TMEFF1: variants seen among roughly 807,000 people sequenced by gnomAD.
The protein encoded by TMEFF1 is transmembrane protein with EGF like and two follistatin like domains 1.
In TMEFF1, 20 loss-of-function variants were observed where a neutral mutation model predicts 47.5. The observed-to-expected ratio is 0.42, with a 90% CI of 0.30 to 0.61. TMEFF1 has a LOEUF of 0.61. Among genes scored for constraint, TMEFF1 ranks in the 20% least tolerant of loss-of-function variants. The probability of loss-of-function intolerance (pLI) is 0.19; values close to 1 mark genes in which losing one functional copy is unlikely to be tolerated. For missense variants in TMEFF1, 411 were observed against 471.1 expected (o/e 0.87, Z 1.18); for synonymous variants, 162 against 166.3 (o/e 0.97, Z 0.20).
Position 100,553,015 on chromosome 9 carries a change from C to T in TMEFF1, c.775+2855C>T, listed in dbSNP as rs186370511. On this transcript the variant is annotated intron_variant, in intron 7 of 9. Transcript: ENST00000374879. ...CTATTATTTAGAAAGGAGAGAAGGCCCAACTTGGGATGAAGCAGAAAGAGG... is the reference window on the plus strand; with the variant it reads ...CTATTATTTAGAAAGGAGAGAAGGCTCAACTTGGGATGAAGCAGAAAGAGG... 3.8e-3 allele frequency among the ~76,000 whole-genome samples: 570 copies of T among 151,868 alleles called. 2 individuals are homozygous for T. Among genetic ancestry groups the T allele is most frequent in the Middle Eastern group, 0.014 (4 of 294 alleles).
chr9:100,574,477 TG>T (rs1442864916), intron 9 of TMEFF1, among the ~76,000 whole-genome samples: 3 of 152,248 alleles, frequency 2.0e-5, no homozygotes, highest in African/African-American at 7.2e-5. Context: ...CTCCACCTCC[TG>T]GGCTTATCTC....
intron 8 of TMEFF1, among the ~76,000 whole-genome samples, chr9:100,562,317 C>T (rs1042660779): frequency 6.6e-6 from 1 of 151,956 alleles, no homozygotes; most frequent in Non-Finnish European, 1.5e-5. Context: ...TTTGTTTGGT[C>T]CACCTAGAAG....
At chr9:100,517,423 A>G (rs1198473850) in intron 5 of TMEFF1, among the ~76,000 whole-genome samples, 1 of 152,124 alleles carries the variant, frequency 6.6e-6, no homozygotes, top group Non-Finnish European at 1.5e-5. Flanking sequence ...TTACTTGTAC[A>G]TATTTTTGGT....
chr9:100,568,549 G>T (rs142089612), intron 8 of TMEFF1, among the ~76,000 whole-genome samples: 12 of 152,024 alleles, frequency 7.9e-5, no homozygotes, highest in African/African-American at 2.4e-4. Context: ...TATGGAGATT[G>T]TATTTTGTGT....
Position 100,478,621 on chromosome 9 carries a change from A to T in TMEFF1, c.196+4881A>T, listed in dbSNP as rs563443503. Among the ~76,000 whole-genome samples the T allele has an allele frequency of 5.9e-5, 9 of 152,336 alleles. No individual in the cohort carries two copies. The South Asian group carries it at 1.9e-3, about 32-fold the overall frequency. On this transcript the variant is annotated intron_variant, in intron 1 of 9. Coordinates refer to ENST00000374879, the MANE Select transcript of TMEFF1 (RefSeq NM_003692.5). ...AGATTAAAAGAAAAACTTCGATTTT[A>T]TATCTTTTTTATTTATGCTTATTTT...
intron 5 of TMEFF1, among the ~76,000 whole-genome samples, chr9:100,532,766 C>G: frequency 6.6e-6 from 1 of 152,028 alleles, no homozygotes. Flanking sequence ...ATAAATCATG[C>G]TGCTATAAAG....
At chr9:100,511,696 A>G (rs1434092172) in intron 3 of TMEFF1, among the ~76,000 whole-genome samples, 2 of 151,902 alleles carry the variant, frequency 1.3e-5, no homozygotes, top group Non-Finnish European at 2.9e-5. Context: ...GTTTGTTTAT[A>G]CCTTGGGTGT....
intron 9 of TMEFF1, among the ~76,000 whole-genome samples, chr9:100,574,340 C>T (rs537731766): frequency 5.3e-5 from 8 of 152,146 alleles, no homozygotes; most frequent in African/African-American, 1.9e-4. Context: ...ATTTGGAAGG[C>T]AGAAGGAAAA....
intron 1 of TMEFF1, among the ~76,000 whole-genome samples, chr9:100,483,364 G>A (rs369873208): frequency 6.6e-6 from 1 of 152,062 alleles, no homozygotes; most frequent in South Asian, 2.1e-4. Context: ...GGGCATGGTG[G>A]CGCATGCCTG....
intron 1 of TMEFF1, among the ~76,000 whole-genome samples, chr9:100,490,107 A>G (rs749165524): frequency 6.6e-5 from 10 of 152,216 alleles, no homozygotes; most frequent in Non-Finnish European, 1.3e-4. Context: ...TGGCAGTAGT[A>G]TGCAAAATGG....
intron 5 of TMEFF1, among the ~76,000 whole-genome samples, chr9:100,528,701 G>A (rs1309555112): frequency 1.9e-5 from 1 of 51,932 alleles, no homozygotes; most frequent in African/African-American, 9.5e-5. Context: ...CCCCAATCTA[G>A]CAAGGCAGGC....
In TMEFF1 at chr9:100,477,247, A is replaced by G. The variant is rs896675857; in HGVS notation, c.196+3507A>G. On this transcript the variant is annotated intron_variant, in intron 1 of 9. Transcript: ENST00000374879. Reference sequence around the variant, plus strand: ...GACATATTACTGGAGACTTTCTACCAACTTGGTTGATGTTGTTACGTTAGT... The same window carrying G: ...GACATATTACTGGAGACTTTCTACCGACTTGGTTGATGTTGTTACGTTAGT... Among the ~76,000 whole-genome samples the G allele has an allele frequency of 3.3e-5, 5 of 152,352 alleles. No homozygotes were observed. In the South Asian group the frequency reaches 1.0e-3, roughly 32 times the overall value.
chr9:100,534,613 G>A (rs1838469273), intron 5 of TMEFF1, among the ~76,000 whole-genome samples: 1 of 152,070 alleles, frequency 6.6e-6, no homozygotes, highest in South Asian at 2.1e-4. Flanking sequence ...CACTGAGCTG[G>A]ACTTTACTTG....
At chr9:100,474,151 C>T (rs1375497498) in intron 1 of TMEFF1, among the ~76,000 whole-genome samples, 2 of 40,354 alleles carry the variant, frequency 5.0e-5, no homozygotes, top group African/African-American at 9.6e-5. Flanking sequence ...GTGCAGAGTG[C>T]GGTGGGTGGG....
intron 7 of TMEFF1, among the ~76,000 whole-genome samples, chr9:100,557,830 C>CTT (rs199955451): frequency 8.3e-5 from 11 of 132,418 alleles, no homozygotes; most frequent in East Asian, 6.4e-4. Flanking sequence ...ACCATGCATG[C>CTT]TTTTTTTTTT....
chr9:100,484,265 C>T (rs553474767), intron 1 of TMEFF1, among the ~76,000 whole-genome samples: 27 of 151,926 alleles, frequency 1.8e-4, no homozygotes, highest in African/African-American at 4.8e-4. Flanking sequence ...CCAGTGTTTT[C>T]GACTATAGTC....
chr9:100,559,158 A>T (rs1305252246), intron 7 of TMEFF1, among the ~76,000 whole-genome samples: 2 of 152,180 alleles, frequency 1.3e-5, no homozygotes, highest in Non-Finnish European at 2.9e-5. Flanking sequence ...AGGCTGACTT[A>T]AAAAACCCAA....
At chr9:100,483,895 C>A (rs1312473382) in intron 1 of TMEFF1, among the ~76,000 whole-genome samples, 1 of 151,962 alleles carries the variant, frequency 6.6e-6, no homozygotes, top group Non-Finnish European at 1.5e-5. Flanking sequence ...TTGTCATCTC[C>A]TCTTAATTAA....
chr9:100,500,006 T>G (rs1223916748), intron 2 of TMEFF1, among the ~76,000 whole-genome samples: 1 of 152,214 alleles, frequency 6.6e-6, no homozygotes, highest in African/African-American at 2.4e-5. Context: ...TGCCAAGCTT[T>G]CTTAGGTAGC....
Sources: allele counts gnomAD v4.1 joint callset (sites outside exome capture counted in the v4.1 genomes callset), GRCh38; gene constraint gnomAD v4.1.1; transcripts MANE v1.5; gene names NCBI Gene and HGNC (gene_info 2026-07-23, HGNC 2026-07-21).